Variants in CCBE1 observed in about 807,000 individuals in gnomAD.
CCBE1 encodes collagen and calcium binding EGF domains 1, also known as collagen and calcium-binding EGF domain-containing protein 1.
CCBE1 carries 37 observed loss-of-function variants against 50.0 expected under a neutral mutation model. The observed-to-expected ratio is 0.74, with a 90% confidence interval of 0.57 to 0.97. CCBE1 has a LOEUF of 0.97. Among genes scored for constraint, CCBE1 ranks in the 50% least tolerant of loss-of-function variants. CCBE1 has a pLI of 0.00. For missense variants in CCBE1, 538 were observed against 523.8 expected (o/e 1.03, Z -0.26); for synonymous variants, 234 against 203.7 (o/e 1.15, Z -1.27).
chr18:59,616,058 G>A (rs549492682), intron 2 of CCBE1, among the ~76,000 whole-genome samples: 2 of 149,634 alleles, frequency 1.3e-5, no homozygotes, highest in African/African-American at 2.6e-5. Flanking sequence ...TGTGATGGGC[G>A]CTCTGGCCTC....
intron 2 of CCBE1, among the ~76,000 whole-genome samples, chr18:59,556,670 G>T (rs1330676597): frequency 6.6e-6 from 1 of 152,134 alleles, no homozygotes; most frequent in Non-Finnish European, 1.5e-5. Context: ...GATAAAATCA[G>T]TTCTGAAATT....
chr18:59,690,161 G>T (rs151080418), intron 2 of CCBE1, among the ~76,000 whole-genome samples: 12 of 152,260 alleles, frequency 7.9e-5, no homozygotes, highest in Non-Finnish European at 1.3e-4. Context: ...TAAATGTCTA[G>T]AACAGTGCCT....
intron 2 of CCBE1, chr18:59,696,396 T>A: frequency 9.0e-7 from 1 of 1,110,340 alleles, no homozygotes; most frequent in Non-Finnish European, 1.2e-6. Context: ...GCGGCAACCA[T>A]CCTCAGGATC....
chr18:59,466,490 T>C lies in CCBE1; in HGVS notation c.553+249A>G, dbSNP rs8082772. ...TTACCCAGTCTTGGGTATGTCTTTA[T>C]CAGCAGTGTGAGAACGAACTTATAC... On this transcript the variant is annotated intron_variant, in intron 5 of 10. Coordinates refer to ENST00000439986, the MANE Select transcript of CCBE1 (RefSeq NM_133459.4). Among the ~76,000 whole-genome samples, 93,810 of 151,812 alleles carry C rather than the reference T, an allele frequency of 0.62. 30,587 individuals carry two copies. The highest frequency in any genetic ancestry group is 0.72 in the Non-Finnish European group (49,052 of 67,950).
intron 2 of CCBE1, among the ~76,000 whole-genome samples, chr18:59,602,113 C>A (rs1162173048): frequency 6.8e-6 from 1 of 147,422 alleles, no homozygotes; most frequent in Admixed American, 6.6e-5. Context: ...AATGTGAATT[C>A]CTTTTTTTTT....
intron 2 of CCBE1, among the ~76,000 whole-genome samples, chr18:59,523,809 C>T (rs1914705028): frequency 6.6e-6 from 1 of 152,162 alleles, no homozygotes; most frequent in Non-Finnish European, 1.5e-5. Flanking sequence ...CATCTCCTCC[C>T]CCTGGGCCCT....
intron 2 of CCBE1, among the ~76,000 whole-genome samples, chr18:59,481,522 G>T (rs1307549413): frequency 6.6e-6 from 1 of 152,164 alleles, no homozygotes; most frequent in Non-Finnish European, 1.5e-5. Context: ...AATGCCTAGA[G>T]ATGTCATGGT....
In CCBE1 at chr18:59,446,337, G is replaced by T. The variant is rs374761630; in HGVS notation, c.775+1646C>A. On this transcript the variant is annotated intron_variant, in intron 7 of 10. Transcript: ENST00000439986. ...CCTGGAGTTGACTTCCTCCAGAGAA[G>T]CAAAGCAAGAGCATTCTCTTAGAGG... 3.3e-5 allele frequency among the ~76,000 whole-genome samples: 5 copies of T among 152,318 alleles called. No homozygotes were observed. The East Asian group carries it at 9.6e-4, about 29-fold the overall frequency.
At position 59,575,809 on chromosome 18, in the gene CCBE1, G is replaced by A. The variant is rs996700366; in HGVS notation, c.213-95571C>T. On this transcript the variant is annotated intron_variant, in intron 2 of 10. Transcript: ENST00000439986. ...AGCTACAATTCTCATGCCCAGAGCA[G>A]GTCATACTGGGTAAGAGCCCCTCCC... Among the ~76,000 whole-genome samples, 8 of 152,268 alleles carry A rather than the reference G, an allele frequency of 5.3e-5. No homozygotes were observed. In the South Asian group the frequency reaches 8.3e-4, roughly 16 times the overall value.
rs187777647 is a variant in CCBE1, at chr18:59,624,340, C to T, written c.212+72289G>A. 1.1e-4 allele frequency among the ~76,000 whole-genome samples: 16 copies of T among 152,248 alleles called. No individual in the cohort carries two copies. In the East Asian group the frequency reaches 3.1e-3, roughly 29 times the overall value. On this transcript the variant is annotated intron_variant, in intron 2 of 10. Coordinates refer to ENST00000439986, the MANE Select transcript of CCBE1 (RefSeq NM_133459.4). The stretch of plus-strand genomic sequence containing the variant: ...TGGGACTCTGCTGCAAATGCAAGGG[C>T]ATACTAAAGTTGCAATTGAGGGGAC...
At chr18:59,582,275 A>G (rs2053095850) in intron 2 of CCBE1, among the ~76,000 whole-genome samples, 2 of 152,128 alleles carry the variant, frequency 1.3e-5, no homozygotes, top group South Asian at 4.1e-4. Context: ...CTGAACTCAT[A>G]TACTTGTGAC....
In CCBE1 at chr18:59,685,131, A is replaced by G. The variant is rs1599135948; in HGVS notation, c.212+11498T>C. Among the ~76,000 whole-genome samples, 5 of 152,310 alleles carry G rather than the reference A, an allele frequency of 3.3e-5. 1 individual carries two copies. Among genetic ancestry groups the G allele is most frequent in the Admixed American group, 3.3e-4 (5 of 15,306 alleles). On this transcript the variant is annotated intron_variant, in intron 2 of 10. Transcript: ENST00000439986. Reference sequence around the variant, plus strand: ...GATTCATGCAGTGCAGCAACAAAGCAAAATATATTTTTTTTAATGCACCAA... The same window carrying G: ...GATTCATGCAGTGCAGCAACAAAGCGAAATATATTTTTTTTAATGCACCAA...
At chr18:59,460,972 A>AAATAAATAATG (rs1911444182) in intron 5 of CCBE1, among the ~76,000 whole-genome samples, 1 of 107,448 alleles carries the variant, frequency 9.3e-6, no homozygotes. Context: ...AATAAATAAT[A>AAATAAATAATG]AAATAAAAAT....
At position 59,674,589 on chromosome 18, in the gene CCBE1, G is replaced by A. The variant is rs540705084; in HGVS notation, c.212+22040C>T. Among the ~76,000 whole-genome samples, 14 of 152,186 alleles carry A rather than the reference G, an allele frequency of 9.2e-5. No homozygotes were observed. The South Asian group carries it at 2.3e-3, about 25-fold the overall frequency. ...CCTATGTAACAAACCTGCATGTCCC[G>A]CACATGTATCCCAGAACTTAAAGTA... On this transcript the variant is annotated intron_variant, in intron 2 of 10. Coordinates refer to ENST00000439986, the MANE Select transcript of CCBE1 (RefSeq NM_133459.4).
intron 2 of CCBE1, among the ~76,000 whole-genome samples, chr18:59,655,144 C>T (rs1036297223): frequency 6.6e-6 from 1 of 150,888 alleles, no homozygotes; most frequent in Non-Finnish European, 1.5e-5. Flanking sequence ...CTTGTGACTA[C>T]AAGCAATGCC....
chr18:59,460,029 C>T (rs759731214), intron 5 of CCBE1, among the ~76,000 whole-genome samples: 2 of 152,218 alleles, frequency 1.3e-5, no homozygotes, highest in Non-Finnish European at 2.9e-5. Context: ...GACTGGCAAG[C>T]TAATTACTAT....
At chr18:59,566,097 G>A (rs1420840888) in intron 2 of CCBE1, among the ~76,000 whole-genome samples, 1 of 152,168 alleles carries the variant, frequency 6.6e-6, no homozygotes, top group East Asian at 1.9e-4. Context: ...GAAATACCCA[G>A]GACACACACT....
Position 59,697,252 on chromosome 18 carries a change from G to A in CCBE1, c.91C>T (p.His31Tyr). The A allele has an allele frequency of 6.5e-7, 1 of 1,549,306 alleles. No individual in the cohort carries two copies. Among genetic ancestry groups the A allele is most frequent in the Non-Finnish European group, 8.7e-7 (1 of 1,146,740 alleles). ...GGCTCCTCTCTGTAGGTCCACGTGT[G>A]TCCCAACGCCAGGAGCAGCAGCAGC... ...GPLLLLLALG[H>Y]TWTYREEPED... The change falls in exon 1 of 11, where the codon CAC becomes TAC. Residue 31 changes from histidine to tyrosine, a missense_variant. Coordinates refer to ENST00000439986, the MANE Select transcript of CCBE1 (RefSeq NM_133459.4).
Position 59,650,976 on chromosome 18 carries a change from A to G in CCBE1, c.212+45653T>C, listed in dbSNP as rs573140771. ...CAGACAGACTGTGGCATAGCCTGAG[A>G]AACTCCATCACTTAGGGGTCAAGGT... On this transcript the variant is annotated intron_variant, in intron 2 of 10. Transcript: ENST00000439986. 2.4e-4 allele frequency among the ~76,000 whole-genome samples: 36 copies of G among 152,156 alleles called. 1 individual carries two copies. Among genetic ancestry groups the G allele is most frequent in the Admixed American group, 1.7e-3 (26 of 15,300 alleles).
Sources: allele counts gnomAD v4.1 joint callset (sites outside exome capture counted in the v4.1 genomes callset), GRCh38; gene constraint gnomAD v4.1.1; transcripts MANE v1.5; gene names NCBI Gene and HGNC (gene_info 2026-07-23, HGNC 2026-07-21).